The following PIAS1 variants were observed in gnomAD, a reference collection of about 807,000 sequenced individuals.
PIAS1 encodes the protein E3 SUMO-protein ligase PIAS1.
A neutral mutation model predicts 71.3 loss-of-function variants in PIAS1; 6 were observed. The ratio of observed to expected loss-of-function variants is 0.08; its 90% CI spans 0.05 to 0.17. PIAS1 has a LOEUF of 0.17. PIAS1 is among the 10% of genes least tolerant of loss of function. PIAS1 has a pLI of 1.00. For synonymous variants in PIAS1, 303 were observed against 292.9 expected (o/e 1.03, Z -0.35); for missense variants, 555 against 793.6 (o/e 0.70, Z 3.61).
At chr15:68,129,004 T>C (rs2092671099) in intron 2 of PIAS1, among the ~76,000 whole-genome samples, 1 of 152,156 alleles carries the variant, frequency 6.6e-6, no homozygotes, top group Admixed American at 6.6e-5. Context: ...TTTTAATATA[T>C]AATGTGTTAT....
At position 68,185,279 on chromosome 15, in the gene PIAS1, C is replaced by A. The variant is rs2093080628; in HGVS notation, c.1662+1612C>A. Among the ~76,000 whole-genome samples, 1 of 152,066 alleles carries A rather than the reference C, an allele frequency of 6.6e-6. No homozygotes were observed. The highest frequency in any genetic ancestry group is 6.5e-5 in the Admixed American group (1 of 15,274). ...TGCAATTCTGGAAGGTTTACAACAG[C>A]TATGACTGCATCAAGAACCTTGCTT... On this transcript the variant is annotated intron_variant, in intron 13 of 13. Transcript: ENST00000249636. This position sits in a 1 kb window ranked among gnomAD's most constrained non-coding sequence, Gnocchi z 4.4.
intron 3 of PIAS1, 130 bp downstream of exon 3, chr15:68,142,160 G>A (rs1020725970): frequency 1.8e-5 from 17 of 944,266 alleles, no homozygotes; most frequent in African/African-American, 3.3e-5. Flanking sequence ...AAAGTATAGT[G>A]TGTTAGTTAC....
chr15:68,068,730 GGC>G (rs904050144), intron 1 of PIAS1, among the ~76,000 whole-genome samples: 5 of 151,870 alleles, frequency 3.3e-5, no homozygotes, highest in African/African-American at 1.2e-4. Flanking sequence ...TGGGATTACA[GGC>G]ATGAGCCACC....
In PIAS1 at chr15:68,153,871, T is replaced by C. The variant is rs2092867435; in HGVS notation, c.934+176T>C. ...TATTTTATAATCTATATTTTACTAA[T>C]CTTAAAATTAACTTTGTGAAGTCAG... On this transcript the variant is annotated intron_variant, in intron 7 of 13. Transcript: ENST00000249636. 1.7e-5 allele frequency: 7 copies of C among 401,066 alleles called. No homozygotes were observed. The East Asian group carries it at 2.7e-4, about 16-fold the overall frequency. The allele number at this position is 401,066 out of a possible 1,614,324, so 24.8% of individuals were successfully genotyped here.
At chr15:68,125,599 C>G (rs150500616) in intron 2 of PIAS1, among the ~76,000 whole-genome samples, 1 of 152,254 alleles carries the variant, frequency 6.6e-6, no homozygotes, top group East Asian at 1.9e-4. Context: ...TAGACTTCAA[C>G]ATAAGAATAA....
intron 2 of PIAS1, among the ~76,000 whole-genome samples, chr15:68,124,011 T>C (rs370847274): frequency 6.6e-6 from 1 of 152,190 alleles, no homozygotes; most frequent in East Asian, 1.9e-4. Context: ...TACATATATG[T>C]ACACATACGT....
chr15:68,127,251 G>A (rs2092657665), intron 2 of PIAS1, among the ~76,000 whole-genome samples: 2 of 152,094 alleles, frequency 1.3e-5, no homozygotes, highest in Non-Finnish European at 2.9e-5. Context: ...GTGACATCAA[G>A]CTTTATAGAC....
Position 68,187,906 on chromosome 15 carries a change from C to A in PIAS1, c.*71C>A. 7.1e-7 allele frequency: 1 copy of A among 1,403,166 alleles called. No homozygotes were observed. Among genetic ancestry groups the A allele is most frequent in the Non-Finnish European group, 9.8e-7 (1 of 1,015,496 alleles). 86.9% of individuals were successfully genotyped at this position (1,403,166 alleles called of 1,614,324 possible). On this transcript the variant is annotated 3_prime_UTR_variant, in exon 14 of 14. Transcript: ENST00000249636. The surrounding 1 kb of genome is among the most constrained non-coding windows in gnomAD (Gnocchi z 5.3). ...TTGGCAGAAAGAAGAGAACTTTGTG[C>A]TCTGTTTTACCTTACTCTGTTTAGA...
At chr15:68,164,130 T>G (rs563767332) in intron 7 of PIAS1, among the ~76,000 whole-genome samples, 2 of 152,256 alleles carry the variant, frequency 1.3e-5, no homozygotes, top group African/African-American at 2.4e-5. Context: ...CAAGTAAAAT[T>G]AAGCTGAGAA....
In PIAS1 at chr15:68,178,093, A is replaced by G. The variant is rs1020558928; in HGVS notation, c.1481+1439A>G. Among the ~76,000 whole-genome samples the G allele has an allele frequency of 2.6e-5, 4 of 152,206 alleles. No individual in the cohort carries two copies. Among genetic ancestry groups the G allele is most frequent in the Admixed American group, 1.3e-4 (2 of 15,276 alleles). On this transcript the variant is annotated intron_variant, in intron 11 of 13. Transcript: ENST00000249636. This position sits in a 1 kb window ranked among gnomAD's most constrained non-coding sequence, Gnocchi z 4.2. ...TCAGTTTGAGACCAGCCTGGGCAAC[A>G]TGGTAAAACCCTGTCTCTACCAAAA... is the stretch of plus-strand genomic sequence containing the variant.
intron 7 of PIAS1, among the ~76,000 whole-genome samples, chr15:68,161,143 T>G (rs1341738320): frequency 6.6e-6 from 1 of 152,196 alleles, no homozygotes; most frequent in Non-Finnish European, 1.5e-5. Context: ...AAAAACAAAT[T>G]GTATTTCTGT....
intron 2 of PIAS1, among the ~76,000 whole-genome samples, chr15:68,131,808 A>G (rs943740934): frequency 6.6e-6 from 1 of 152,188 alleles, no homozygotes; most frequent in Non-Finnish European, 1.5e-5. Flanking sequence ...TAGTGCTGCA[A>G]TGAACATGGG....
intron 8 of PIAS1, among the ~76,000 whole-genome samples, chr15:68,165,717 TG>T (rs2092953418): frequency 6.6e-6 from 1 of 152,232 alleles, no homozygotes; most frequent in Admixed American, 6.5e-5. Context: ...ACTAATCTGA[TG>T]TTAGGCTCTT....
chr15:68,101,762 A>C (rs1335799475), intron 2 of PIAS1, among the ~76,000 whole-genome samples: 1 of 151,302 alleles, frequency 6.6e-6, no homozygotes, highest in Non-Finnish European at 1.5e-5. Flanking sequence ...TTGCACACCC[A>C]CCCCACTTTT....
rs1041910112 is a variant in PIAS1, at chr15:68,167,616, G to A, written c.1008+2812G>A. Among the ~76,000 whole-genome samples the A allele has an allele frequency of 7.9e-5, 12 of 152,254 alleles. No homozygotes were observed. Among genetic ancestry groups the A allele is most frequent in the East Asian group, 1.9e-4 (1 of 5,184 alleles). Reference sequence around the variant, plus strand: ...CTTTGTAAACCCAAATACAAATAACGTGGAATTGATAGAAGAAAAGAAGAT... The same window carrying A: ...CTTTGTAAACCCAAATACAAATAACATGGAATTGATAGAAGAAAAGAAGAT... On this transcript the variant is annotated intron_variant, in intron 8 of 13. Coordinates refer to ENST00000249636, the MANE Select transcript of PIAS1 (RefSeq NM_016166.3). The surrounding 1 kb of genome is among the most constrained non-coding windows in gnomAD (Gnocchi z 4.4).
intron 1 of PIAS1, among the ~76,000 whole-genome samples, chr15:68,070,641 G>A (rs1054188939): frequency 6.6e-6 from 1 of 152,162 alleles, no homozygotes; most frequent in Non-Finnish European, 1.5e-5. Context: ...TTTGCTGTAA[G>A]TGTAAAACAT....
chr15:68,071,976 A>G lies in PIAS1; in HGVS notation c.25-14330A>G, dbSNP rs375722348. Among the ~76,000 whole-genome samples, 277 of 151,798 alleles carry G rather than the reference A, an allele frequency of 1.8e-3. 1 individual carries two copies. The highest frequency in any genetic ancestry group is 6.1e-3 in the African/African-American group (254 of 41,360). ...AAAAAGAAAATTAAAAAAGGTGATTACTGGGATATTCTTTGAAGCAAGGGT... is the reference window on the plus strand; with the variant it reads ...AAAAAGAAAATTAAAAAAGGTGATTGCTGGGATATTCTTTGAAGCAAGGGT... On this transcript the variant is annotated intron_variant, in intron 1 of 13. Transcript: ENST00000249636.
chr15:68,071,970 G>A (rs1284776009), intron 1 of PIAS1, among the ~76,000 whole-genome samples: 1 of 151,572 alleles, frequency 6.6e-6, no homozygotes, highest in Admixed American at 6.6e-5. Context: ...ATTAAAAAAG[G>A]TGATTACTGG....
Position 68,119,237 on chromosome 15 carries a change from CAAAAAAAAAAA to C in PIAS1, c.470-22692_470-22682del, listed in dbSNP as rs60879036. ...CAACATGGTGAAACCCCATCTCTAC[CAAAAAAAAAAA>C]AAAAAAAAAAAAAAAAGTATATATA... On this transcript the variant is annotated intron_variant, in intron 2 of 13. Coordinates refer to ENST00000249636, the MANE Select transcript of PIAS1 (RefSeq NM_016166.3). Among the ~76,000 whole-genome samples, 23 of 27,408 alleles carry C rather than the reference CAAAAAAAAAAA, an allele frequency of 8.4e-4. 1 individual carries two copies. The East Asian group carries it at 0.027, about 32-fold the overall frequency. The allele number at this position is 27,408 out of a possible 152,430, so 18.0% of individuals were successfully genotyped here. A position where few individuals can be genotyped will look rare whatever the true frequency, so the allele number is the denominator to read the frequency against.
Sources: allele counts gnomAD v4.1 joint callset (sites outside exome capture counted in the v4.1 genomes callset), GRCh38; gene constraint gnomAD v4.1.1; non-coding constraint Gnocchi (gnomAD v3.1); transcripts MANE v1.5; gene names NCBI Gene and HGNC (gene_info 2026-07-23, HGNC 2026-07-21).